Variants in FNBP1L observed in about 807,000 individuals in gnomAD.
FNBP1L encodes formin binding protein 1 like.
In FNBP1L, 36 loss-of-function variants were observed where a neutral mutation model predicts 91.2. That is an observed-to-expected ratio of 0.39 (90% CI 0.30 to 0.52). The LOEUF (loss-of-function observed/expected upper bound fraction) is 0.52, where lower values mean the gene tolerates loss of function less well. Ranked by LOEUF, FNBP1L falls within the 20% of genes least tolerant of loss-of-function variation. The pLI, the probability that FNBP1L is intolerant of heterozygous loss-of-function variation, is 0.66. For missense variants in FNBP1L, 571 were observed against 732.1 expected (o/e 0.78, Z 2.54); for synonymous variants, 242 against 237.0 (o/e 1.02, Z -0.19).
intron 1 of FNBP1L, among the ~76,000 whole-genome samples, chr1:93,450,329 G>A (rs1668450745): frequency 6.6e-6 from 1 of 152,070 alleles, no homozygotes; most frequent in African/African-American, 2.4e-5. Flanking sequence ...AATTTGCTTT[G>A]TGTCCTTTGG....
chr1:93,490,519 T>C (rs1338933477), intron 1 of FNBP1L, among the ~76,000 whole-genome samples: 1 of 152,142 alleles, frequency 6.6e-6, no homozygotes, highest in Non-Finnish European at 1.5e-5. Context: ...CAAGCTATGG[T>C]AAGAATGAAT....
At chr1:93,518,743 T>C (rs886499951) in intron 2 of FNBP1L, among the ~76,000 whole-genome samples, 12 of 152,220 alleles carry the variant, frequency 7.9e-5, no homozygotes, top group Non-Finnish European at 1.6e-4. Flanking sequence ...ATTCATTTGC[T>C]AAAGTCTACA....
intron 16 of FNBP1L, chr1:93,551,414 G>T: frequency 2.0e-6 from 2 of 1,021,368 alleles, no homozygotes; most frequent in East Asian, 8.7e-5. Flanking sequence ...AATAGAATTT[G>T]ATTTATTGGG....
chr1:93,457,742 T>G (rs1668715789), intron 1 of FNBP1L, among the ~76,000 whole-genome samples: 1 of 151,212 alleles, frequency 6.6e-6, no homozygotes, highest in Admixed American at 6.6e-5. Flanking sequence ...GAAACAGGAA[T>G]TTATTTTTTA....
intron 1 of FNBP1L, among the ~76,000 whole-genome samples, chr1:93,469,752 C>G (rs1316293051): frequency 1.3e-5 from 2 of 152,096 alleles, no homozygotes; most frequent in Non-Finnish European, 2.9e-5. Flanking sequence ...GGGAGGATCA[C>G]TTGAGGCCAG....
chr1:93,470,639 G>A lies in FNBP1L; in HGVS notation c.24+22334G>A, dbSNP rs374303436. The stretch of plus-strand genomic sequence containing the variant: ...TGTAATCCTAGCACTTTGGGAGGCC[G>A]AGGCGGGCGAATCACCTGAGGTCAG... On this transcript the variant is annotated intron_variant, in intron 1 of 16. Transcript: ENST00000271234. Among the ~76,000 whole-genome samples the A allele has an allele frequency of 8.0e-4, 122 of 152,048 alleles. 2 individuals are homozygous for A. In the South Asian group the frequency reaches 0.025, roughly 31 times the overall value.
rs749702432 is a variant in FNBP1L at position 93,533,002 on chromosome 1, T to G, written c.720T>G (p.Val240=). Residue 240 remains valine, a synonymous_variant, in exon 8 of 17, where the codon GTT becomes GTG. Coordinates refer to ENST00000271234, the MANE Select transcript of FNBP1L (RefSeq NM_001164473.3). ...YRGFADSERK[V]IPIISKCLEG... ...GATTTGCTGACTCAGAACGCAAAGT[T>G]ATTCCCATCATTTCAAAATGTTTGG... 9 of 1,613,458 alleles carry G rather than the reference T, an allele frequency of 5.6e-6. No individual in the cohort carries two copies. Among genetic ancestry groups the G allele is most frequent in the Non-Finnish European group, 6.8e-6 (8 of 1,179,672 alleles).
At chr1:93,548,785 C>A (rs1331894140) in intron 14 of FNBP1L, among the ~76,000 whole-genome samples, 1 of 152,120 alleles carries the variant, frequency 6.6e-6, no homozygotes, top group Non-Finnish European at 1.5e-5. Flanking sequence ...GCAAAAGTTT[C>A]TGTGCATTTC....
At chr1:93,475,547 T>G (rs1240994869) in intron 1 of FNBP1L, among the ~76,000 whole-genome samples, 2 of 151,680 alleles carry the variant, frequency 1.3e-5, no homozygotes, top group African/African-American at 2.4e-5. Flanking sequence ...TCAAAAAAAC[T>G]CCCAAAACAA....
chr1:93,507,893 C>T (rs546320143), intron 2 of FNBP1L, among the ~76,000 whole-genome samples: 3 of 151,400 alleles, frequency 2.0e-5, no homozygotes, highest in East Asian at 3.9e-4. Flanking sequence ...AGGTGATCCA[C>T]CTGCCTCGGC....
chr1:93,454,968 G>A (rs550817651), intron 1 of FNBP1L, among the ~76,000 whole-genome samples: 1 of 151,770 alleles, frequency 6.6e-6, no homozygotes, highest in South Asian at 2.1e-4. Context: ...TCGCTCTGTC[G>A]CCCAGGCTGG....
At chr1:93,542,502 C>G (rs1208408375) in intron 11 of FNBP1L, among the ~76,000 whole-genome samples, 2 of 140,700 alleles carry the variant, frequency 1.4e-5, no homozygotes, top group Admixed American at 1.4e-4. Flanking sequence ...TTCTAGCAAG[C>G]TTGTTGAATA....
intron 1 of FNBP1L, among the ~76,000 whole-genome samples, chr1:93,470,407 C>T (rs1335250763): frequency 6.6e-6 from 1 of 152,190 alleles, no homozygotes; most frequent in Non-Finnish European, 1.5e-5. Context: ...GGATTACAGG[C>T]ATGAGCCATC....
At chr1:93,481,504 A>G (rs1669702267) in intron 1 of FNBP1L, among the ~76,000 whole-genome samples, 3 of 152,200 alleles carry the variant, frequency 2.0e-5, no homozygotes, top group Non-Finnish European at 4.4e-5. Context: ...TATGGGATAA[A>G]ATAATAATAA....
At chr1:93,530,947 A>G (rs1671655052) in intron 7 of FNBP1L, 64 bp downstream of exon 7, 1 of 1,327,578 alleles carries the variant, frequency 7.5e-7, no homozygotes, top group South Asian at 1.4e-5. Context: ...TAAAACTTGT[A>G]AGTCTTAGAC....
chr1:93,535,641 A>G (rs1018673135), intron 9 of FNBP1L, among the ~76,000 whole-genome samples: 1 of 152,086 alleles, frequency 6.6e-6, no homozygotes, highest in African/African-American at 2.4e-5. Context: ...ATGAGTGTAG[A>G]TAAAATTAAA....
intron 1 of FNBP1L, among the ~76,000 whole-genome samples, chr1:93,473,930 A>C (rs1205477978): frequency 6.6e-6 from 1 of 152,144 alleles, no homozygotes. Flanking sequence ...TATGGCCTTT[A>C]GTAGGGGAAT....
chr1:93,489,583 T>C (rs953360429), intron 1 of FNBP1L, among the ~76,000 whole-genome samples: 9 of 152,052 alleles, frequency 5.9e-5, no homozygotes, highest in African/African-American at 2.2e-4. Context: ...AGTAGGGTAT[T>C]GGAAAGATCG....
At chr1:93,465,978 G>T (rs1308963958) in intron 1 of FNBP1L, among the ~76,000 whole-genome samples, 1 of 152,132 alleles carries the variant, frequency 6.6e-6, no homozygotes, top group Non-Finnish European at 1.5e-5. Context: ...TTTTTCATGT[G>T]TCTGTTGGCT....
Sources: gnomAD v4.1 joint callset for allele counts (sites outside exome capture counted in the v4.1 genomes callset) on GRCh38, gnomAD v4.1.1 for gene constraint, MANE v1.5 for transcripts, NCBI Gene and HGNC (gene_info 2026-07-23, HGNC 2026-07-21) for gene names.